EHMT1: variants seen among roughly 807,000 people sequenced by gnomAD.
EHMT1 encodes euchromatic histone lysine methyltransferase 1.
In EHMT1, 15 loss-of-function variants were observed where a neutral mutation model predicts 147.2. The observed-to-expected ratio is 0.10, with a 90% CI of 0.07 to 0.16. The LOEUF (loss-of-function observed/expected upper bound fraction) is 0.16. Among genes scored for constraint, EHMT1 ranks in the 10% least tolerant of loss-of-function variants. The pLI is 1.00. For synonymous variants in EHMT1, 795 were observed against 709.6 expected (o/e 1.12, Z -1.91); for missense variants, 1,587 against 1,772.4 (o/e 0.90, Z 1.88).
At chr9:137,798,012 C>T (rs1204216156) in intron 16 of EHMT1, among the ~76,000 whole-genome samples, 1 of 152,170 alleles carries the variant, frequency 6.6e-6, no homozygotes, top group African/African-American at 2.4e-5. Context: ...TCTTTGTTTT[C>T]CTTTGAGATG....
chr9:137,724,102 T>A (rs1486303658), intron 3 of EHMT1, among the ~76,000 whole-genome samples: 1 of 152,242 alleles, frequency 6.6e-6, no homozygotes, highest in Non-Finnish European at 1.5e-5. Context: ...CTTGTTTTTC[T>A]CTCTGTGTGT....
At chr9:137,829,047 A>T (rs958682838) in intron 25 of EHMT1, among the ~76,000 whole-genome samples, 17 of 152,132 alleles carry the variant, frequency 1.1e-4, no homozygotes, top group Admixed American at 3.3e-4. Context: ...CGGGTGGGGC[A>T]TCCAGGCACC....
At chr9:137,640,130 T>G (rs1844380624) in intron 1 of EHMT1, among the ~76,000 whole-genome samples, 1 of 152,174 alleles carries the variant, frequency 6.6e-6, no homozygotes, top group South Asian at 2.1e-4. Context: ...AGATGGGGTT[T>G]CGCTGTGTTG....
chr9:137,640,683 C>T (rs976069614), intron 1 of EHMT1, among the ~76,000 whole-genome samples: 1 of 152,216 alleles, frequency 6.6e-6, no homozygotes, highest in East Asian at 1.9e-4. Flanking sequence ...AGGGGCCTGG[C>T]GCCCTTTAGC....
chr9:137,670,808 G>A (rs1940515015), intron 1 of EHMT1, among the ~76,000 whole-genome samples: 1 of 152,192 alleles, frequency 6.6e-6, no homozygotes, highest in African/African-American at 2.4e-5. Flanking sequence ...GTGTCCAGGG[G>A]AAGGAGAAGC....
chr9:137,697,590 T>C, intron 1 of EHMT1, among the ~76,000 whole-genome samples: 1 of 152,242 alleles, frequency 6.6e-6, no homozygotes, highest in Non-Finnish European at 1.5e-5. Flanking sequence ...AAAATCTTAC[T>C]GTTGAGATTA....
intron 6 of EHMT1, chr9:137,745,924 C>T (rs1218529445): frequency 5.3e-6 from 1 of 187,152 alleles, no homozygotes; most frequent in African/African-American, 2.3e-5. Context: ...TGAGTCATGC[C>T]TGGGGCTGAG....
intron 2 of EHMT1, chr9:137,715,590 T>C (rs7037783): frequency 0.4 from 395,006 of 985,150 alleles, 83,410 homozygotes; most frequent in African/African-American, 0.75. Flanking sequence ...CGTGTGCACC[T>C]AGCGATGCCA....
intron 15 of EHMT1, chr9:137,783,952 C>T (rs990721684): frequency 4.6e-6 from 2 of 431,514 alleles, no homozygotes; most frequent in Non-Finnish European, 8.2e-6. Flanking sequence ...GTCTAACAGT[C>T]TTGGTATTTT....
chr9:137,620,652 C>G (rs1842898795), intron 1 of EHMT1, among the ~76,000 whole-genome samples: 1 of 152,146 alleles, frequency 6.6e-6, no homozygotes, highest in African/African-American at 2.4e-5. Flanking sequence ...CTCCGCCTCC[C>G]TAAGTGCTAG....
chr9:137,765,335 A>G (rs1588595746), intron 10 of EHMT1, among the ~76,000 whole-genome samples: 2 of 152,124 alleles, frequency 1.3e-5, no homozygotes, highest in Non-Finnish European at 1.5e-5. Flanking sequence ...CTCTAGTGGT[A>G]TCCGGAGGGC....
chr9:137,679,201 G>A (rs1941699581), intron 1 of EHMT1, among the ~76,000 whole-genome samples: 1 of 152,092 alleles, frequency 6.6e-6, no homozygotes, highest in Non-Finnish European at 1.5e-5. Context: ...TGCCCGCCTC[G>A]GCCTCCCAGA....
At chr9:137,800,843 T>C in intron 17 of EHMT1, 37 bp from the exon 18 acceptor site, 1 of 1,599,738 alleles carries the variant, frequency 6.3e-7, no homozygotes, top group Non-Finnish European at 8.6e-7. Flanking sequence ...GTTGCCGGTC[T>C]CTGGAGCGAT....
At chr9:137,729,641 C>G (rs1946929436) in intron 4 of EHMT1, among the ~76,000 whole-genome samples, 1 of 152,016 alleles carries the variant, frequency 6.6e-6, no homozygotes, top group Admixed American at 6.6e-5. Flanking sequence ...AGCAAAGTTG[C>G]AAAATTCTAC....
At chr9:137,631,174 A>T (rs1355782867) in intron 1 of EHMT1, among the ~76,000 whole-genome samples, 2 of 152,136 alleles carry the variant, frequency 1.3e-5, no homozygotes, top group Non-Finnish European at 2.9e-5. Context: ...TGATCACCTG[A>T]CGTCAGAAGT....
intron 1 of EHMT1, among the ~76,000 whole-genome samples, chr9:137,649,093 C>T (rs1336846912): frequency 1.3e-5 from 2 of 152,190 alleles, no homozygotes; most frequent in Non-Finnish European, 2.9e-5. Flanking sequence ...TTCACATTCC[C>T]CTGTGACTTC....
intron 1 of EHMT1, among the ~76,000 whole-genome samples, chr9:137,628,207 C>T (rs927597279): frequency 6.6e-6 from 1 of 152,166 alleles, no homozygotes; most frequent in African/African-American, 2.4e-5. Flanking sequence ...GCCAGCTGCT[C>T]AGCTGCAACT....
chr9:137,799,605 G>A (rs146601686), intron 17 of EHMT1, among the ~76,000 whole-genome samples: 1 of 152,144 alleles, frequency 6.6e-6, no homozygotes. Context: ...CATGCACTGG[G>A]GGTCCCTCCT....
At chr9:137,817,283 G>A in intron 23 of EHMT1, 156 bp from the exon 24 acceptor site, 3 of 808,150 alleles carry the variant, frequency 3.7e-6, no homozygotes, top group African/African-American at 1.7e-5. Flanking sequence ...AGTGCGAGAT[G>A]CCGTGTCTGT....
Sources: allele counts gnomAD v4.1 joint callset (sites outside exome capture counted in the v4.1 genomes callset), GRCh38; gene constraint gnomAD v4.1.1; transcripts MANE v1.5; gene names NCBI Gene and HGNC (gene_info 2026-07-23, HGNC 2026-07-21).